Variants in KIF1A observed in about 807,000 individuals in gnomAD.
The protein encoded by KIF1A is kinesin-like protein KIF1A.
Under a neutral mutation model 227.3 loss-of-function variants are expected in KIF1A, and 46 were observed. The ratio of observed to expected loss-of-function variants is 0.20; its 90% CI spans 0.16 to 0.26. The LOEUF (loss-of-function observed/expected upper bound fraction) is 0.26, where lower values mean the gene tolerates loss of function less well. Among genes scored for constraint, KIF1A ranks in the 10% least tolerant of loss-of-function variants. The pLI is 1.00. For missense variants in KIF1A, 1,683 were observed against 2,485.9 expected, an observed-to-expected ratio of 0.68 and a Z score of 6.87; for synonymous variants, 1,022 against 1,012.8, an observed-to-expected ratio of 1.01 and a Z score of -0.17.
intron 1 of KIF1A, among the ~76,000 whole-genome samples, chr2:240,815,018 G>A (rs879369207): frequency 9.2e-5 from 14 of 152,214 alleles, no homozygotes; most frequent in Admixed American, 2.6e-4. Context: ...GTGTGGGGCC[G>A]TAAGCGTGCT....
At chr2:240,747,461 C>T in intron 28 of KIF1A, 140 bp from the exon 29 acceptor site, 1 of 633,400 alleles carries the variant, frequency 1.6e-6, no homozygotes. Context: ...CCGAATCTGC[C>T]ACCCGTGGCT....
intron 37 of KIF1A, among the ~76,000 whole-genome samples, chr2:240,738,173 G>C (rs757938617): frequency 1.3e-5 from 2 of 152,210 alleles, no homozygotes; most frequent in Admixed American, 6.5e-5. Flanking sequence ...CTCAGCCCTC[G>C]GGGCCTGCAC....
intron 1 of KIF1A, among the ~76,000 whole-genome samples, chr2:240,817,287 G>T (rs1374513967): frequency 6.6e-6 from 1 of 152,188 alleles, no homozygotes; most frequent in South Asian, 2.1e-4. Context: ...TCTCAGAGAC[G>T]CTCCTGGGCA....
chr2:240,770,357 G>GGCAGGTGT (rs900274065), intron 15 of KIF1A, among the ~76,000 whole-genome samples: 1 of 152,210 alleles, frequency 6.6e-6, no homozygotes, highest in Non-Finnish European at 1.5e-5. Context: ...ACTATTCCCA[G>GGCAGGTGT]GCAGGTGTGC....
chr2:240,781,885 C>G lies in KIF1A; in HGVS notation c.882+705G>C, dbSNP rs548500582. On this transcript the variant is annotated intron_variant, in intron 10 of 48. Coordinates refer to ENST00000498729, the MANE Select transcript of KIF1A (RefSeq NM_001244008.2). ...TCCTGCAGCCCCACGTGTTCTTAGT[C>G]TCTTGGAACTCCTCACACGGGCCGC... The G allele has an allele frequency of 6.7e-5, 66 of 985,428 alleles. No homozygotes were observed. The African/African-American group carries it at 1.1e-3, about 16-fold the overall frequency. The allele number at this position is 985,428 out of a possible 1,614,324, so 61.0% of individuals were successfully genotyped here. A position where few individuals can be genotyped will look rare whatever the true frequency, so the allele number is the denominator to read the frequency against.
At position 240,786,791 on chromosome 2, in the gene KIF1A, G is replaced by A. The variant is rs4998258; in HGVS notation, c.430-278C>T. ...GCCACCATCAGGACCCCTGAGTGAG[G>A]GGGTGGGGGCTGCCATCAGGACCCC... On this transcript the variant is annotated intron_variant, in intron 5 of 48. Coordinates refer to ENST00000498729, the MANE Select transcript of KIF1A (RefSeq NM_001244008.2). 0.17 allele frequency among the ~76,000 whole-genome samples: 8,421 copies of A among 50,418 alleles called. 428 individuals carry two copies. Among genetic ancestry groups the A allele is most frequent in the African/African-American group, 0.34 (2,841 of 8,238 alleles). 33.1% of individuals were successfully genotyped at this position (50,418 alleles called of 152,430 possible). A position where few individuals can be genotyped will look rare whatever the true frequency, so the allele number is the denominator to read the frequency against.
intron 1 of KIF1A, among the ~76,000 whole-genome samples, chr2:240,806,795 C>G (rs114074171): frequency 6.6e-6 from 1 of 151,968 alleles, no homozygotes; most frequent in African/African-American, 2.4e-5. Flanking sequence ...AGAAATTGAT[C>G]CAATAGTTTA....
chr2:240,718,934 C>A, intron 47 of KIF1A, 72 bp downstream of exon 47: 1 of 1,265,452 alleles, frequency 7.9e-7, no homozygotes, highest in Non-Finnish European at 1.1e-6. Flanking sequence ...CGCAGGGCTG[C>A]AGAGGATGGT....
At chr2:240,780,840 ACACAGCTCCACACACACACACACAGCTC>A (rs2053651421) in intron 10 of KIF1A, among the ~76,000 whole-genome samples, 6 of 106,122 alleles carry the variant, frequency 5.7e-5, no homozygotes, top group African/African-American at 2.1e-4. Flanking sequence ...CCACACACAC[ACACAGCTCCACACACACACACACAGCTC>A]CACACACACA....
chr2:240,757,517 G>C lies in KIF1A; in HGVS notation c.2660C>G (p.Ser887Cys), dbSNP rs1236223007. ...MSERMAALTP[S>C]PTFSSPDSDA... ...GGAGTCGGGGCTCGAGAAGGTGGGG[G>C]AGGGGGTGAGAGCAGCCATGCGCTC... The change falls in exon 27 of 49, where the codon TCC (serine) becomes TGC (cysteine). Residue 887 changes from serine to cysteine, a missense_variant. Physicochemically the swap from Ser to Cys is moderately radical, Grantham distance 112 (BLOSUM62 -1). Coordinates refer to ENST00000498729, the MANE Select transcript of KIF1A (RefSeq NM_001244008.2). This position sits in a 1 kb window ranked among gnomAD's most constrained non-coding sequence, Gnocchi z 6.2. The C allele has an allele frequency of 6.4e-7, 1 of 1,550,604 alleles. No homozygotes were observed. Among genetic ancestry groups the C allele is most frequent in the Admixed American group, 2.0e-5 (1 of 51,004 alleles).
chr2:240,806,704 C>T (rs924311852), intron 1 of KIF1A, among the ~76,000 whole-genome samples: 2 of 152,058 alleles, frequency 1.3e-5, no homozygotes, highest in African/African-American at 2.4e-5. Context: ...AATTACTAGA[C>T]CTGCCAAGAA....
chr2:240,730,934 C>T (rs1052114530), intron 38 of KIF1A, among the ~76,000 whole-genome samples: 1 of 152,194 alleles, frequency 6.6e-6, no homozygotes, highest in African/African-American at 2.4e-5. Context: ...CACCTCCAGC[C>T]TGAGTCCTGG....
At chr2:240,812,937 G>GGGATCAGCCTTCACCTCAA (rs2058031805) in intron 1 of KIF1A, among the ~76,000 whole-genome samples, 2 of 82,288 alleles carry the variant, frequency 2.4e-5, no homozygotes, top group Admixed American at 1.2e-4. Context: ...CTTCACCTCG[G>GGGATCAGCCTTCACCTCAA]GGATCCGCCT....
At position 240,741,166 on chromosome 2, in the gene KIF1A, G is replaced by A. The variant is rs1357241644; in HGVS notation, c.3749+103C>T. ...TGCAGTGAACACCCGCTGGAAGAAC[G>A]ACTCTGGATGCTGGCAACCCTCAGG... is the stretch of plus-strand genomic sequence containing the variant. On this transcript the variant is annotated intron_variant, in intron 35 of 48. Coordinates refer to ENST00000498729, the MANE Select transcript of KIF1A (RefSeq NM_001244008.2). The A allele has an allele frequency of 1.6e-5, 12 of 743,546 alleles. No individual in the cohort carries two copies. The East Asian group carries it at 2.7e-4, about 17-fold the overall frequency. 46.1% of individuals were successfully genotyped at this position (743,546 alleles called of 1,614,324 possible).
rs1348362199 is a variant in KIF1A, at chr2:240,792,522, G to C, written c.107-3210C>G. 6.6e-6 allele frequency among the ~76,000 whole-genome samples: 1 copy of C among 152,142 alleles called. No individual in the cohort carries two copies. The highest frequency in any genetic ancestry group is 2.4e-5 in the African/African-American group (1 of 41,442). On this transcript the variant is annotated intron_variant, in intron 2 of 48. Transcript: ENST00000498729. This position sits in a 1 kb window ranked among gnomAD's most constrained non-coding sequence, Gnocchi z 4.5. ...GACACCGAGACGACAGAGACAGCGG[G>C]GGGAGGGTTGGGGTGAGGAGTGGGG...
In KIF1A at chr2:240,736,285, T is replaced by G. The variant is rs1026666768; in HGVS notation, c.4007+778A>C. ...GGGTCCACTCTGGGCTTGTGCATCATGAGCCAGGTCGAGCCCCCAGGGAGC... is the reference window on the plus strand; with the variant it reads ...GGGTCCACTCTGGGCTTGTGCATCAGGAGCCAGGTCGAGCCCCCAGGGAGC... On this transcript the variant is annotated intron_variant, in intron 38 of 48. Coordinates refer to ENST00000498729, the MANE Select transcript of KIF1A (RefSeq NM_001244008.2). This position sits in a 1 kb window ranked among gnomAD's most constrained non-coding sequence, Gnocchi z 4.7. Among the ~76,000 whole-genome samples, 6 of 152,196 alleles carry G rather than the reference T, an allele frequency of 3.9e-5. No homozygotes were observed. Among genetic ancestry groups the G allele is most frequent in the Admixed American group, 3.9e-4 (6 of 15,290 alleles).
In KIF1A at chr2:240,781,503, C is replaced by CCA. The variant is rs538611637; in HGVS notation, c.882+1085_882+1086dup. ...CACACACACAGCTCCACACACAGCT[C>CCA]CACACACACACACACAGCTCCTCAC... is the stretch of plus-strand genomic sequence containing the variant. On this transcript the variant is annotated intron_variant, in intron 10 of 48. Coordinates refer to ENST00000498729, the MANE Select transcript of KIF1A (RefSeq NM_001244008.2). Among the ~76,000 whole-genome samples, 57 of 119,440 alleles carry CCA rather than the reference C, an allele frequency of 4.8e-4. No individual in the cohort carries two copies. In the East Asian group the frequency reaches 4.9e-3, roughly 10 times the overall value. 78.4% of individuals were successfully genotyped at this position (119,440 alleles called of 152,430 possible).
intron 17 of KIF1A, among the ~76,000 whole-genome samples, chr2:240,768,323 G>C (rs1559511831): frequency 6.6e-6 from 1 of 152,210 alleles, no homozygotes; most frequent in Non-Finnish European, 1.5e-5. Context: ...TTAGGACACT[G>C]CCTGTCCCGG....
rs757613674 is a variant in KIF1A at position 240,763,297 on chromosome 2, G to A, written c.1818C>T (p.Pro606=). The A allele has an allele frequency of 6.9e-6, 11 of 1,602,612 alleles. No individual in the cohort carries two copies. Among genetic ancestry groups the A allele is most frequent in the Non-Finnish European group, 9.4e-6 (11 of 1,174,952 alleles). ...GCTCACGCTCCTGCCGGGCCTGCTCGGGGTGGTTGAACCGGAACACATGGC... is the reference window on the plus strand; with the variant it reads ...GCTCACGCTCCTGCCGGGCCTGCTCAGGGTGGTTGAACCGGAACACATGGC... The part of the protein sequence containing the change: ...GKSHVFRFNH[P]EQARQERERT... The change falls in exon 21 of 49, where the codon CCC becomes CCT. Residue 606 remains proline (P), a synonymous_variant. Coordinates refer to ENST00000498729, the MANE Select transcript of KIF1A (RefSeq NM_001244008.2).
Sources: allele counts gnomAD v4.1 joint callset (sites outside exome capture counted in the v4.1 genomes callset), GRCh38; gene constraint gnomAD v4.1.1; non-coding constraint Gnocchi (gnomAD v3.1); transcripts MANE v1.5; gene names NCBI Gene and HGNC (gene_info 2026-07-23, HGNC 2026-07-21).